Variants in NDUFS4 observed in about 807,000 individuals in gnomAD.
The protein encoded by NDUFS4 is NADH:ubiquinone oxidoreductase subunit S4.
In NDUFS4, 28 loss-of-function variants were observed where a neutral mutation model predicts 24.3. The observed-to-expected ratio is 1.15, with a 90% CI of 0.85 to 1.58. NDUFS4 has a LOEUF of 1.58. NDUFS4 is among the 40% of genes most tolerant of loss of function. The pLI is 0.00. For synonymous variants in NDUFS4, 93 were observed against 69.7 expected (o/e 1.34, Z -1.67); for missense variants, 223 against 207.9 (o/e 1.07, Z -0.45).
intron 2 of NDUFS4, among the ~76,000 whole-genome samples, chr5:53,640,247 A>G (rs933620867): frequency 2.0e-5 from 3 of 152,044 alleles, no homozygotes; most frequent in African/African-American, 7.2e-5. Context: ...TTGAAGGGGA[A>G]CATATCAAGA....
intron 4 of NDUFS4, among the ~76,000 whole-genome samples, chr5:53,667,999 C>T (rs1752567692): frequency 6.6e-6 from 1 of 152,108 alleles, no homozygotes; most frequent in Non-Finnish European, 1.5e-5. Context: ...GTTAATACAG[C>T]TGATTCTGTG....
chr5:53,667,832 G>A (rs1406032981), intron 4 of NDUFS4, among the ~76,000 whole-genome samples: 3 of 152,144 alleles, frequency 2.0e-5, no homozygotes, highest in Non-Finnish European at 2.9e-5. Flanking sequence ...CCTTTTAGAA[G>A]CATATTTCTT....
intron 1 of NDUFS4, among the ~76,000 whole-genome samples, chr5:53,586,058 G>A (rs1749742799): frequency 6.6e-6 from 1 of 151,986 alleles, no homozygotes; most frequent in African/African-American, 2.4e-5. Flanking sequence ...GCCAGGTGCA[G>A]TGGCTCACGT....
intron 2 of NDUFS4, among the ~76,000 whole-genome samples, chr5:53,630,364 C>T (rs930510094): frequency 9.9e-5 from 15 of 151,826 alleles, no homozygotes; most frequent in African/African-American, 2.9e-4. Flanking sequence ...GTCTTGGGGT[C>T]GCTTTTCTTG....
rs552294455 is a variant in NDUFS4 at position 53,601,477 on chromosome 5, A to G, written c.99-1975A>G. The stretch of plus-strand genomic sequence containing the variant: ...TAAGATTTTCTTAAACAATTAGGAC[A>G]TAATCGTTTTAAGTTAAATCCCCTT... On this transcript the variant is annotated intron_variant, in intron 1 of 4. Coordinates refer to ENST00000296684, the MANE Select transcript of NDUFS4 (RefSeq NM_002495.4). 1.1e-4 allele frequency among the ~76,000 whole-genome samples: 16 copies of G among 152,338 alleles called. No homozygotes were observed. In the South Asian group the frequency reaches 3.1e-3, roughly 30 times the overall value.
chr5:53,627,334 T>C (rs1185888220), intron 2 of NDUFS4, among the ~76,000 whole-genome samples: 2 of 152,228 alleles, frequency 1.3e-5, no homozygotes. Flanking sequence ...AGCTTTGTTC[T>C]TTTTGCTTAG....
Position 53,649,084 on chromosome 5 carries a change from T to G in NDUFS4, c.350+2679T>G, listed in dbSNP as rs369953203. Reference sequence around the variant, plus strand: ...TTACTTTTCCTTATATCAGAAACAATAGGAATCTATATTTTCTTTCTATCT... The same window carrying G: ...TTACTTTTCCTTATATCAGAAACAAGAGGAATCTATATTTTCTTTCTATCT... On this transcript the variant is annotated intron_variant, in intron 3 of 4. Coordinates refer to ENST00000296684, the MANE Select transcript of NDUFS4 (RefSeq NM_002495.4). Among the ~76,000 whole-genome samples, 16 of 152,300 alleles carry G rather than the reference T, an allele frequency of 1.1e-4. No individual in the cohort carries two copies. In the South Asian group the frequency reaches 3.3e-3, roughly 32 times the overall value.
At chr5:53,592,992 TTAGTCTA>T (rs1750022604) in intron 1 of NDUFS4, among the ~76,000 whole-genome samples, 1 of 152,178 alleles carries the variant, frequency 6.6e-6, no homozygotes, top group Non-Finnish European at 1.5e-5. Context: ...TATAAGAGAA[TTAGTCTA>T]TAGTTTTCCT....
At chr5:53,606,453 C>T (rs901924509) in intron 2 of NDUFS4, among the ~76,000 whole-genome samples, 3 of 152,068 alleles carry the variant, frequency 2.0e-5, no homozygotes, top group African/African-American at 4.8e-5. Flanking sequence ...CTGCTACCTC[C>T]GCCTCCCAGT....
chr5:53,623,349 T>C (rs563645602), intron 2 of NDUFS4, among the ~76,000 whole-genome samples: 2 of 152,358 alleles, frequency 1.3e-5, no homozygotes, highest in East Asian at 3.9e-4. Context: ...GGTTTTGATT[T>C]GCATGTTCTT....
intron 3 of NDUFS4, among the ~76,000 whole-genome samples, chr5:53,650,053 A>G (rs1329998352): frequency 1.3e-5 from 2 of 152,170 alleles, no homozygotes; most frequent in Non-Finnish European, 2.9e-5. Flanking sequence ...AGGAATTTAT[A>G]AGGAAAAAAT....
intron 1 of NDUFS4, among the ~76,000 whole-genome samples, chr5:53,568,038 A>C (rs1749094099): frequency 6.6e-6 from 1 of 152,134 alleles, no homozygotes; most frequent in African/African-American, 2.4e-5. Flanking sequence ...AACTATTATA[A>C]ATTTTTTCTT....
chr5:53,645,857 A>G (rs1278114045), intron 2 of NDUFS4, among the ~76,000 whole-genome samples: 1 of 152,218 alleles, frequency 6.6e-6, no homozygotes, highest in East Asian at 1.9e-4. Context: ...TCCCCTTTTC[A>G]TATTTCCTTT....
intron 1 of NDUFS4, among the ~76,000 whole-genome samples, chr5:53,578,244 T>G (rs781137742): frequency 6.6e-6 from 1 of 152,232 alleles, no homozygotes; most frequent in South Asian, 2.1e-4. Context: ...ATGTCTGTCT[T>G]AGTTACTGCT....
At chr5:53,569,707 C>A (rs1749149908) in intron 1 of NDUFS4, among the ~76,000 whole-genome samples, 1 of 152,136 alleles carries the variant, frequency 6.6e-6, no homozygotes, top group Non-Finnish European at 1.5e-5. Context: ...CTTGTCAGCC[C>A]TTCAGATAAT....
intron 1 of NDUFS4, among the ~76,000 whole-genome samples, chr5:53,591,500 A>T (rs1216501207): frequency 6.8e-6 from 1 of 146,774 alleles, no homozygotes. Context: ...AATAAATATG[A>T]AGTGGTATCT....
intron 2 of NDUFS4, 61 bp downstream of exon 2, chr5:53,603,591 G>T (rs1395765666): frequency 3.1e-6 from 4 of 1,308,900 alleles, no homozygotes; most frequent in Non-Finnish European, 4.4e-6. Context: ...TTGTACTATA[G>T]ATATTCAGTA....
chr5:53,591,168 C>T (rs1749944072), intron 1 of NDUFS4, among the ~76,000 whole-genome samples: 1 of 152,198 alleles, frequency 6.6e-6, no homozygotes, highest in Admixed American at 6.5e-5. Context: ...TTTGTTTACA[C>T]ATTCATCTGC....
At chr5:53,563,251 A>AG (rs1379682694) in intron 1 of NDUFS4, among the ~76,000 whole-genome samples, 1 of 149,038 alleles carries the variant, frequency 6.7e-6, no homozygotes, top group African/African-American at 2.5e-5. Context: ...AAAAAAAAAA[A>AG]AAAGAAAAGG....
Sources: gnomAD v4.1 joint callset for allele counts (sites outside exome capture counted in the v4.1 genomes callset) on GRCh38, gnomAD v4.1.1 for gene constraint, MANE v1.5 for transcripts, NCBI Gene and HGNC (gene_info 2026-07-23, HGNC 2026-07-21) for gene names.